Variants in PTPRD observed in about 807,000 individuals in gnomAD.
The protein encoded by PTPRD is protein tyrosine phosphatase receptor type D, also known as receptor-type tyrosine-protein phosphatase delta.
In PTPRD, 34 loss-of-function variants were observed where a neutral mutation model predicts 214.5. The observed-to-expected ratio is 0.16, with a 90% confidence interval of 0.12 to 0.21. PTPRD has a LOEUF of 0.21. Among genes scored for constraint, PTPRD ranks in the 10% least tolerant of loss-of-function variants. The pLI is 1.00. For missense variants in PTPRD, 2,545 were observed against 2,398.7 expected (o/e 1.06, Z -1.27); for synonymous variants, 1,128 against 845.7 (o/e 1.33, Z -5.79).
At chr9:8,841,039 G>T (rs868071109) in intron 11 of PTPRD, among the ~76,000 whole-genome samples, 2 of 152,260 alleles carry the variant, frequency 1.3e-5, no homozygotes, top group Middle Eastern at 6.8e-3. Context: ...TGTAAGCCAT[G>T]GCTACAGAGT....
At chr9:9,312,990 G>A (rs1240641966) in intron 9 of PTPRD, among the ~76,000 whole-genome samples, 1 of 151,950 alleles carries the variant, frequency 6.6e-6, no homozygotes, top group African/African-American at 2.4e-5. Flanking sequence ...CACAAAATTA[G>A]GTAAATAATT....
chr9:8,387,634 G>A (rs757703307), intron 37 of PTPRD, among the ~76,000 whole-genome samples: 1 of 152,126 alleles, frequency 6.6e-6, no homozygotes, highest in African/African-American at 2.4e-5. Flanking sequence ...ATGGCTTGAT[G>A]GTGAAGCACG....
intron 10 of PTPRD, among the ~76,000 whole-genome samples, chr9:9,065,119 C>T (rs887621535): frequency 6.6e-6 from 1 of 152,224 alleles, no homozygotes; most frequent in Non-Finnish European, 1.5e-5. Flanking sequence ...AAAATCTCTT[C>T]CCTTTTGGAC....
At chr9:9,278,106 T>A (rs145988910) in intron 9 of PTPRD, among the ~76,000 whole-genome samples, 18 of 151,322 alleles carry the variant, frequency 1.2e-4, no homozygotes, top group African/African-American at 4.4e-4. Context: ...CGATTTGACA[T>A]AGAATTAGAC....
intron 7 of PTPRD, among the ~76,000 whole-genome samples, chr9:9,580,768 C>G (rs1042223189): frequency 6.6e-6 from 1 of 151,882 alleles, no homozygotes; most frequent in Admixed American, 6.6e-5. Flanking sequence ...AGGGTGGTCT[C>G]AAACTCCTGA....
At chr9:9,678,260 A>G (rs1369583365) in intron 7 of PTPRD, among the ~76,000 whole-genome samples, 1 of 152,140 alleles carries the variant, frequency 6.6e-6, no homozygotes, top group Non-Finnish European at 1.5e-5. Context: ...CACATTGCCA[A>G]GACAATCTTA....
At chr9:8,713,820 G>C (rs2098398678) in intron 12 of PTPRD, 1 of 1,524,354 alleles carries the variant, frequency 6.6e-7, no homozygotes, top group South Asian at 1.2e-5. Flanking sequence ...TCACCACCAA[G>C]AGGCCCAACA....
chr9:9,688,182 G>A (rs114913458), intron 7 of PTPRD, among the ~76,000 whole-genome samples: 1 of 151,714 alleles, frequency 6.6e-6, no homozygotes, highest in Non-Finnish European at 1.5e-5. Context: ...TTCCACTCTT[G>A]GGCAGTATCT....
chr9:9,592,145 T>A (rs1056585043), intron 7 of PTPRD, among the ~76,000 whole-genome samples: 1 of 152,122 alleles, frequency 6.6e-6, no homozygotes, highest in Admixed American at 6.6e-5. Flanking sequence ...ACACTTGCTA[T>A]GAAATAACTG....
chr9:10,516,742 T>C (rs995682525), intron 2 of PTPRD, among the ~76,000 whole-genome samples: 10 of 152,016 alleles, frequency 6.6e-5, no homozygotes, highest in African/African-American at 2.2e-4. Flanking sequence ...TTTCAGTTTA[T>C]TGCTGTGTCT....
chr9:8,441,224 T>C (rs1336102367), intron 34 of PTPRD, among the ~76,000 whole-genome samples: 2 of 152,056 alleles, frequency 1.3e-5, no homozygotes, highest in African/African-American at 4.8e-5. Flanking sequence ...CAGTAATTCT[T>C]TACTATGTGA....
At chr9:10,610,488 C>T (rs2080679303) in intron 2 of PTPRD, among the ~76,000 whole-genome samples, 1 of 150,130 alleles carries the variant, frequency 6.7e-6, no homozygotes, top group East Asian at 2.0e-4. Context: ...ACAATCTTCC[C>T]CTTTATTTTT....
intron 2 of PTPRD, among the ~76,000 whole-genome samples, chr9:10,382,289 T>C (rs1016142014): frequency 2.0e-5 from 3 of 151,976 alleles, no homozygotes; most frequent in Non-Finnish European, 4.4e-5. Context: ...TGTATTCTTC[T>C]TCTTATGAGT....
chr9:8,805,544 G>T (rs77815674), intron 11 of PTPRD, among the ~76,000 whole-genome samples: 5,907 of 151,402 alleles, frequency 0.039, 376 homozygotes, highest in African/African-American at 0.14. Context: ...GACAGAATAG[G>T]AAAATCTTTT....
intron 9 of PTPRD, among the ~76,000 whole-genome samples, chr9:9,240,473 C>A (rs2099969796): frequency 6.6e-6 from 1 of 152,236 alleles, no homozygotes. Context: ...GAGTTCAAGA[C>A]CAGCCTGGCC....
chr9:9,573,456 T>C (rs1714939027), intron 8 of PTPRD, among the ~76,000 whole-genome samples: 1 of 151,506 alleles, frequency 6.6e-6, no homozygotes, highest in South Asian at 2.1e-4. Context: ...TATATGGGTG[T>C]AATTCATTTT....
chr9:10,131,037 G>C (rs983834930), intron 3 of PTPRD, among the ~76,000 whole-genome samples: 3 of 152,182 alleles, frequency 2.0e-5, no homozygotes, highest in Non-Finnish European at 2.9e-5. Flanking sequence ...GGTGATACTA[G>C]TGTCAAGCAG....
intron 8 of PTPRD, among the ~76,000 whole-genome samples, chr9:9,445,392 G>A (rs1337788129): frequency 6.6e-6 from 1 of 152,104 alleles, no homozygotes; most frequent in Non-Finnish European, 1.5e-5. Flanking sequence ...TCTCATGGTT[G>A]GTTAATCCTT....
chr9:9,897,364 C>T (rs1437922459), intron 5 of PTPRD, among the ~76,000 whole-genome samples: 1 of 151,686 alleles, frequency 6.6e-6, no homozygotes, highest in African/African-American at 2.4e-5. Context: ...CACACTTCCA[C>T]CAAGAGTTTT....
Sources: gnomAD v4.1 joint callset for allele counts (sites outside exome capture counted in the v4.1 genomes callset) on GRCh38, gnomAD v4.1.1 for gene constraint, MANE v1.5 for transcripts, NCBI Gene and HGNC (gene_info 2026-07-23, HGNC 2026-07-21) for gene names.